TJP3: variants seen among roughly 807,000 people sequenced by gnomAD.
The protein encoded by TJP3 is tight junction protein ZO-3.
In TJP3, 85 loss-of-function variants were observed where a neutral mutation model predicts 104.2. The observed-to-expected ratio is 0.82, with a 90% CI of 0.68 to 0.98. The LOEUF is 0.98. Among genes scored for constraint, TJP3 ranks in the 50% least tolerant of loss-of-function variants. The pLI is 0.00. For missense variants in TJP3, 1,367 were observed against 1,322.8 expected, an observed-to-expected ratio of 1.03 and a Z score of -0.52; for synonymous variants, 550 against 550.6, an observed-to-expected ratio of 1.00 and a Z score of 0.02.
At chr19:3,723,341 C>T (rs2036563059) in intron 1 of TJP3, among the ~76,000 whole-genome samples, 1 of 152,146 alleles carries the variant, frequency 6.6e-6, no homozygotes, top group Non-Finnish European at 1.5e-5. Flanking sequence ...AGTACCAGCA[C>T]TCAAGGCCTG....
chr19:3,729,209 C>T (rs1264405212), intron 3 of TJP3, among the ~76,000 whole-genome samples: 2 of 152,092 alleles, frequency 1.3e-5, no homozygotes, highest in Non-Finnish European at 2.9e-5. Flanking sequence ...TTCTTGGGGT[C>T]ATAGTGGCCC....
intron 1 of TJP3, among the ~76,000 whole-genome samples, chr19:3,708,967 G>A (rs763739318): frequency 1.7e-4 from 26 of 151,972 alleles, no homozygotes; most frequent in Non-Finnish European, 2.6e-4. Flanking sequence ...GAAAGGCTGC[G>A]ACCTCACTCA....
chr19:3,717,621 A>G (rs962260133), intron 1 of TJP3, among the ~76,000 whole-genome samples: 1 of 150,864 alleles, frequency 6.6e-6, no homozygotes, highest in Non-Finnish European at 1.5e-5. Flanking sequence ...ATTTTTGTAG[A>G]GATGGGTTTT....
rs1358644347 is a variant in TJP3, at chr19:3,739,151, C to T, written c.1631+17C>T. On this transcript the variant is annotated intron_variant, in intron 13 of 20. Coordinates refer to ENST00000541714, the MANE Select transcript of TJP3 (RefSeq NM_001267560.2). ...CCAGAGCAGGTGGGGACTGTGTGCT[C>T]CTGCAGTGGGGCACTTCTGCTTCAG... The T allele has an allele frequency of 6.6e-7, 1 of 1,506,636 alleles. No homozygotes were observed. The highest frequency in any genetic ancestry group is 1.4e-5 in the African/African-American group (1 of 72,280). 93.3% of individuals were successfully genotyped at this position (1,506,636 alleles called of 1,614,324 possible). A position where few individuals can be genotyped will look rare whatever the true frequency, so the allele number is the denominator to read the frequency against.
In TJP3 at chr19:3,748,069, T is replaced by G; in HGVS notation, c.2598T>G (p.His866Gln). The G allele has an allele frequency of 6.4e-7, 1 of 1,570,956 alleles. No individual in the cohort carries two copies. The highest frequency in any genetic ancestry group is 1.2e-5 in the South Asian group (1 of 86,430). ...SPRDRGRISA[H>Q]QGAQVDSRHP... is the part of the protein sequence containing the mutation. ...GGGATCGTGGGAGAATCTCGGCTCA[T>G]CAGGGGGCCCAGGTGCGTCGGACAT... Residue 866 changes from histidine to glutamine, a missense_variant, in exon 19 of 21, where the codon CAT becomes CAG. Coordinates refer to ENST00000541714, the MANE Select transcript of TJP3 (RefSeq NM_001267560.2).
rs576370746 is a variant in TJP3 at position 3,731,212 on chromosome 19, C to T, written c.613+506C>T. Among the ~76,000 whole-genome samples, 22 of 152,208 alleles carry T rather than the reference C, an allele frequency of 1.4e-4. No individual in the cohort carries two copies. In the East Asian group the frequency reaches 2.3e-3, roughly 16 times the overall value. On this transcript the variant is annotated intron_variant, in intron 5 of 20. Coordinates refer to ENST00000541714, the MANE Select transcript of TJP3 (RefSeq NM_001267560.2). ...ATCAACATGTCCCCGCGCTGATCCC[C>T]GGGACCTCTGTTTAGGCCACCTCAC...
At chr19:3,733,942 G>C (rs1337508664) in intron 7 of TJP3, 30 bp downstream of exon 7, 1 of 1,604,552 alleles carries the variant, frequency 6.2e-7, no homozygotes, top group Admixed American at 1.7e-5. Context: ...GACCTGGGAG[G>C]GGGTTGAATG....
chr19:3,738,916 G>A lies in TJP3; in HGVS notation c.1413G>A (p.Gln471=). ...RKQDIFWKMV[Q]SRVGDSFYIR... is the part of the protein sequence containing the mutation. ...CCCCAGTTTTCTGGAAAATGGTGCA[G>A]TCCCGCGTGGGTGACTCCTTCTACA... Residue 471 remains glutamine, a synonymous_variant, in exon 13 of 21, where the codon CAG becomes CAA. Coordinates refer to ENST00000541714, the MANE Select transcript of TJP3 (RefSeq NM_001267560.2). The A allele has an allele frequency of 6.2e-7, 1 of 1,605,588 alleles. No individual in the cohort carries two copies. Among genetic ancestry groups the A allele is most frequent in the South Asian group, 1.1e-5 (1 of 90,144 alleles).
intron 1 of TJP3, among the ~76,000 whole-genome samples, chr19:3,726,443 A>G (rs11085037): frequency 0.21 from 32,181 of 152,090 alleles, 3,703 homozygotes; most frequent in South Asian, 0.4. Flanking sequence ...TATTAAAAAT[A>G]CAAAAATTAG....
At chr19:3,736,407 T>C in intron 11 of TJP3, 86 bp downstream of exon 11, 1 of 1,320,514 alleles carries the variant, frequency 7.6e-7, no homozygotes, top group Non-Finnish European at 9.9e-7. Context: ...GTCCTCCCCT[T>C]GGGTCCACCT....
At chr19:3,716,167 G>C (rs2036475526) in intron 1 of TJP3, among the ~76,000 whole-genome samples, 1 of 147,384 alleles carries the variant, frequency 6.8e-6, no homozygotes, top group Admixed American at 6.9e-5. Context: ...CTGCCTCCCG[G>C]GTTCAAGTGA....
rs1599164313 is a variant in TJP3, at chr19:3,746,389, T to G, written c.2011-96T>G. On this transcript the variant is annotated intron_variant, in intron 16 of 20. Coordinates refer to ENST00000541714, the MANE Select transcript of TJP3 (RefSeq NM_001267560.2). This position sits in a 1 kb window ranked among gnomAD's most constrained non-coding sequence, Gnocchi z 4.1. ...AGCCTGTGGATGTGAGAGGCTGGGG[T>G]CCACTCTGACCTCAGACTCTTCATC... 1.3e-5 allele frequency: 17 copies of G among 1,357,290 alleles called. No homozygotes were observed. The highest frequency in any genetic ancestry group is 2.0e-6 in the Non-Finnish European group (2 of 978,966). 84.1% of individuals were successfully genotyped at this position (1,357,290 alleles called of 1,614,324 possible). A position where few individuals can be genotyped will look rare whatever the true frequency, so the allele number is the denominator to read the frequency against.
Position 3,746,403 on chromosome 19 carries a change from A to G in TJP3, c.2011-82A>G, listed in dbSNP as rs2036888602. 2 of 1,483,926 alleles carry G rather than the reference A, an allele frequency of 1.3e-6. No homozygotes were observed. Among genetic ancestry groups the G allele is most frequent in the Non-Finnish European group, 1.9e-6 (2 of 1,079,824 alleles). 91.9% of individuals were successfully genotyped at this position (1,483,926 alleles called of 1,614,324 possible). ...AGAGGCTGGGGTCCACTCTGACCTCAGACTCTTCATCTTTCTATCTTTCTC... is the reference window on the plus strand; with the variant it reads ...AGAGGCTGGGGTCCACTCTGACCTCGGACTCTTCATCTTTCTATCTTTCTC... On this transcript the variant is annotated intron_variant, in intron 16 of 20. Transcript: ENST00000541714. The surrounding 1 kb of genome is among the most constrained non-coding windows in gnomAD (Gnocchi z 4.1).
At chr19:3,716,801 A>ATATATATATTT (rs1421328174) in intron 1 of TJP3, among the ~76,000 whole-genome samples, 49 of 81,930 alleles carry the variant, frequency 6.0e-4, no homozygotes, top group African/African-American at 2.3e-3. Context: ...ATATATATAT[A>ATATATATATTT]TTTTTTTTTT....
chr19:3,717,404 C>G (rs1232854919), intron 1 of TJP3, among the ~76,000 whole-genome samples: 1 of 86,468 alleles, frequency 1.2e-5, no homozygotes, highest in Non-Finnish European at 2.4e-5. Context: ...CCAGCCATAG[C>G]TTATATATAT....
In TJP3 at chr19:3,746,346, C is replaced by G. The variant is rs916087896; in HGVS notation, c.2011-139C>G. On this transcript the variant is annotated intron_variant, in intron 16 of 20. Coordinates refer to ENST00000541714, the MANE Select transcript of TJP3 (RefSeq NM_001267560.2). The surrounding 1 kb of genome is among the most constrained non-coding windows in gnomAD (Gnocchi z 4.1). ...ATGCTGCGACCTGGGCTGTTACCAC[C>G]CCCATCCCCAACTTGCTAGCCTGTG... 46 of 951,718 alleles carry G rather than the reference C, an allele frequency of 4.8e-5. No individual in the cohort carries two copies. In the South Asian group the frequency reaches 7.6e-4, roughly 16 times the overall value. 59.0% of individuals were successfully genotyped at this position (951,718 alleles called of 1,614,324 possible).
In TJP3 at chr19:3,746,830, T is replaced by C. The variant is rs1371339577; in HGVS notation, c.2276T>C (p.Ile759Thr). The part of the protein sequence containing the change: ...SDTWYQELKA[I>T]IREQQTRPIW... ...ACCTGGTACCAGGAGCTCAAGGCCA[T>C]CATTCGAGAGCAGCAGACGCGGCCC... Residue 759 changes from isoleucine (I) to threonine (T), a missense_variant, in exon 18 of 21, where the codon ATC (isoleucine) becomes ACC (threonine). Physicochemically the swap from Ile to Thr is moderately conservative, Grantham distance 89. Coordinates refer to ENST00000541714, the MANE Select transcript of TJP3 (RefSeq NM_001267560.2). This position sits in a 1 kb window ranked among gnomAD's most constrained non-coding sequence, Gnocchi z 4.1. The C allele has an allele frequency of 1.2e-6, 2 of 1,610,496 alleles. No individual in the cohort carries two copies. The highest frequency in any genetic ancestry group is 2.2e-5 in the South Asian group (2 of 90,512).
chr19:3,746,225 C>T lies in TJP3; in HGVS notation c.2010+144C>T. 1 of 909,728 alleles carries T rather than the reference C, an allele frequency of 1.1e-6. No homozygotes were observed. Among genetic ancestry groups the T allele is most frequent in the Non-Finnish European group, 1.7e-6 (1 of 596,724 alleles). The allele number at this position is 909,728 out of a possible 1,614,324, so 56.4% of individuals were successfully genotyped here. On this transcript the variant is annotated intron_variant, in intron 16 of 20. Transcript: ENST00000541714. The surrounding 1 kb of genome is among the most constrained non-coding windows in gnomAD (Gnocchi z 4.1). ...AGCCCCTTTTGGAGGCTTTGTGAGG[C>T]AGGAGGCCCGAGACAGACAAGGGCT...
chr19:3,742,033 GTTCA>G (rs1472716355), intron 14 of TJP3, among the ~76,000 whole-genome samples: 1 of 152,134 alleles, frequency 6.6e-6, no homozygotes, highest in African/African-American at 2.4e-5. Flanking sequence ...CAGGAAGGGG[GTTCA>G]TTCCTTAAAA....
Sources: gnomAD v4.1 joint callset for allele counts (sites outside exome capture counted in the v4.1 genomes callset) on GRCh38, gnomAD v4.1.1 for gene constraint, Gnocchi (gnomAD v3.1) non-coding constraint, MANE v1.5 for transcripts, NCBI Gene and HGNC (gene_info 2026-07-23, HGNC 2026-07-21) for gene names.